Variants in PKD1L1 observed in about 807,000 individuals in gnomAD.
PKD1L1 encodes polycystin 1 like 1, transient receptor potential channel interacting.
A neutral mutation model predicts 323.4 loss-of-function variants in PKD1L1; 236 were observed. The observed-to-expected ratio is 0.73, with a 90% CI of 0.66 to 0.81. The LOEUF (loss-of-function observed/expected upper bound fraction) is 0.81, where lower values mean the gene tolerates loss of function less well. Ranked by LOEUF, PKD1L1 falls within the 40% of genes least tolerant of loss-of-function variation. PKD1L1 has a pLI of 0.00. For synonymous variants in PKD1L1, 1,344 were observed against 1,335.0 expected (o/e 1.01, Z -0.15); for missense variants, 3,320 against 3,508.0 (o/e 0.95, Z 1.35).
Position 47,890,689 on chromosome 7 carries a change from T to C in PKD1L1, c.2528A>G (p.Asp843Gly), listed in dbSNP as rs766556810. 7 of 1,613,764 alleles carry C rather than the reference T, an allele frequency of 4.3e-6. No individual in the cohort carries two copies. The highest frequency in any genetic ancestry group is 1.1e-5 in the South Asian group (1 of 91,064). Reference protein sequence around the residue: ...CFDSSTAHQLDAAAPTVSFEA... With the variant: ...CFDSSTAHQLGAAAPTVSFEA... The stretch of plus-strand genomic sequence containing the variant: ...AAAGGAAACAGTGGGAGCCGCGGCA[T>C]CCAGTTGGTGTGCAGTGGAGGAGTC... The change falls in exon 16 of 57, where the codon GAT (aspartate) becomes GGT (glycine). Residue 843 changes from aspartate to glycine, a missense_variant. Physicochemically the swap from Asp to Gly is moderately conservative, Grantham distance 94 (BLOSUM62 -1). Transcript: ENST00000289672.
At chr7:47,856,599 G>A (rs920453371) in intron 28 of PKD1L1, among the ~76,000 whole-genome samples, 101 of 152,254 alleles carry the variant, frequency 6.6e-4, no homozygotes, top group African/African-American at 2.4e-3. Flanking sequence ...TTGACAAAGT[G>A]CTTTCCAAAA....
At chr7:47,912,372 T>C (rs1787339619) in intron 8 of PKD1L1, among the ~76,000 whole-genome samples, 1 of 152,118 alleles carries the variant, frequency 6.6e-6, no homozygotes, top group Non-Finnish European at 1.5e-5. Context: ...GCTGACATAT[T>C]GGAATAGAAA....
intron 52 of PKD1L1, among the ~76,000 whole-genome samples, chr7:47,805,134 C>T (rs1784750999): frequency 6.6e-6 from 1 of 151,820 alleles, no homozygotes; most frequent in Non-Finnish European, 1.5e-5. Flanking sequence ...CAAATCCTAG[C>T]AAAACCCCCA....
intron 49 of PKD1L1, among the ~76,000 whole-genome samples, chr7:47,812,612 A>C (rs1159442161): frequency 6.6e-6 from 1 of 152,148 alleles, no homozygotes; most frequent in Non-Finnish European, 1.5e-5. Flanking sequence ...TGTGAGGTGC[A>C]TGCTGCTTGG....
chr7:47,795,028 C>T (rs1156754237), intron 55 of PKD1L1, among the ~76,000 whole-genome samples: 2 of 152,100 alleles, frequency 1.3e-5, no homozygotes, highest in Non-Finnish European at 1.5e-5. Context: ...AAGGGACTTG[C>T]CTTGTCTCAG....
At chr7:47,870,319 T>C (rs6959110) in intron 24 of PKD1L1, among the ~76,000 whole-genome samples, 49,058 of 151,698 alleles carry the variant, frequency 0.32, 8,468 homozygotes, top group African/African-American at 0.43. Context: ...CAAAAGCTGG[T>C]TTTTTGAAAA....
intron 28 of PKD1L1, among the ~76,000 whole-genome samples, chr7:47,856,589 T>A (rs1291673047): frequency 1.3e-5 from 2 of 152,198 alleles, no homozygotes; most frequent in Non-Finnish European, 2.9e-5. Flanking sequence ...GGATGCCTAG[T>A]TGACAAAGTG....
chr7:47,929,145 G>T, intron 7 of PKD1L1, 59 bp downstream of exon 7: 1 of 1,510,658 alleles, frequency 6.6e-7, no homozygotes, highest in Non-Finnish European at 9.0e-7. Flanking sequence ...ACTGCCTCTT[G>T]GGTCCCCTAG....
intron 56 of PKD1L1, among the ~76,000 whole-genome samples, chr7:47,790,291 GT>G (rs1231347724): frequency 6.6e-6 from 1 of 151,586 alleles, no homozygotes; most frequent in African/African-American, 2.4e-5. Flanking sequence ...CATTTAAACA[GT>G]TTTTTATGAT....
At chr7:47,864,771 T>G (rs943945778) in intron 26 of PKD1L1, among the ~76,000 whole-genome samples, 1 of 144,300 alleles carries the variant, frequency 6.9e-6, no homozygotes, top group East Asian at 2.2e-4. Context: ...CAGGCTGGAG[T>G]GCAGTGGCGC....
At chr7:47,910,926 G>T (rs1363577273) in intron 8 of PKD1L1, among the ~76,000 whole-genome samples, 1 of 149,594 alleles carries the variant, frequency 6.7e-6, no homozygotes, top group Non-Finnish European at 1.5e-5. Context: ...GACCTCAGGT[G>T]ATCCACCTCA....
rs534038062 is a variant in PKD1L1, at chr7:47,928,702, G to C, written c.1060+502C>G. Among the ~76,000 whole-genome samples the C allele has an allele frequency of 2.0e-4, 31 of 152,296 alleles. No individual in the cohort carries two copies. The South Asian group carries it at 5.8e-3, about 29-fold the overall frequency. ...ATCTCTAGGGGTTTAGTAGTTGTCT[G>C]AGTAGAATGGGTCCAACGCTGGAAT... On this transcript the variant is annotated intron_variant, in intron 7 of 56. Transcript: ENST00000289672.
intron 23 of PKD1L1, 85 bp from the exon 24 acceptor site, chr7:47,874,095 A>G: frequency 2.4e-6 from 2 of 842,144 alleles, no homozygotes; most frequent in East Asian, 5.2e-5. Context: ...CATCTTCTGG[A>G]TGACTAAAAC....
intron 7 of PKD1L1, among the ~76,000 whole-genome samples, chr7:47,917,774 A>C (rs551291094): frequency 1.3e-5 from 2 of 152,328 alleles, no homozygotes; most frequent in South Asian, 4.1e-4. Context: ...ATGCTGACAG[A>C]ATTCACCACT....
Position 47,890,668 on chromosome 7 carries a change from G to C in PKD1L1, c.2549C>G (p.Ser850Cys), listed in dbSNP as rs1198907623. 6.2e-7 allele frequency: 1 copy of C among 1,614,132 alleles called. No homozygotes were observed. The highest frequency in any genetic ancestry group is 8.5e-7 in the Non-Finnish European group (1 of 1,180,032). ...HQLDAAAPTVSFEAQWLSDSY... is the reference protein window; with the variant it reads ...HQLDAAAPTVCFEAQWLSDSY... ...GTCACTGAGCCATTGTGCCTCAAAG[G>C]AAACAGTGGGAGCCGCGGCATCCAG... Residue 850 changes from serine (S) to cysteine (C), a missense_variant, in exon 16 of 57, where the codon TCC becomes TGC. Transcript: ENST00000289672.
At chr7:47,880,915 C>T in intron 20 of PKD1L1, 110 bp from the exon 21 acceptor site, 1 of 734,866 alleles carries the variant, frequency 1.4e-6, no homozygotes, top group South Asian at 2.1e-5. Context: ...GTGAAATTAA[C>T]ATAGATACTA....
chr7:47,781,514 T>C (rs1584939586), intron 56 of PKD1L1, among the ~76,000 whole-genome samples: 1 of 149,524 alleles, frequency 6.7e-6, no homozygotes, highest in Non-Finnish European at 1.5e-5. Context: ...GTTCATGCCA[T>C]TCTCCTGCCT....
intron 52 of PKD1L1, among the ~76,000 whole-genome samples, chr7:47,805,851 C>T (rs1784765484): frequency 2.6e-5 from 4 of 152,158 alleles, no homozygotes; most frequent in African/African-American, 7.2e-5. Context: ...CATACTAGTA[C>T]CTGTTTCATT....
intron 14 of PKD1L1, among the ~76,000 whole-genome samples, chr7:47,897,332 G>A (rs1044639768): frequency 1.3e-5 from 2 of 152,120 alleles, no homozygotes; most frequent in Non-Finnish European, 2.9e-5. Context: ...TCAGGTTCCC[G>A]CAGCCTGGCC....
Sources: allele counts gnomAD v4.1 joint callset (sites outside exome capture counted in the v4.1 genomes callset), GRCh38; gene constraint gnomAD v4.1.1; transcripts MANE v1.5; gene names NCBI Gene and HGNC (gene_info 2026-07-23, HGNC 2026-07-21).